The following SVEP1 variants were observed in gnomAD, a reference collection of about 807,000 sequenced individuals.
The protein encoded by SVEP1 is sushi, von Willebrand factor type A, EGF and pentraxin domain-containing protein 1.
SVEP1 carries 164 observed loss-of-function variants against 367.3 expected under a neutral mutation model. The observed-to-expected ratio is 0.45, with a 90% CI of 0.39 to 0.51. The LOEUF is 0.51. Ranked by LOEUF, SVEP1 falls within the 20% of genes least tolerant of loss-of-function variation. SVEP1 has a pLI of 0.00. For synonymous variants in SVEP1, 1,666 were observed against 1,611.6 expected (o/e 1.03, Z -0.81); for missense variants, 4,117 against 4,425.3 (o/e 0.93, Z 1.98).
intron 27 of SVEP1, chr9:110,442,952 C>A (rs1169022613): frequency 1.3e-5 from 2 of 151,926 alleles, no homozygotes; most frequent in African/African-American, 4.8e-5. Flanking sequence ...ATTTAATTTT[C>A]TTTTAGTATA....
At chr9:110,522,170 A>G (rs1194317067) in intron 3 of SVEP1, among the ~76,000 whole-genome samples, 1 of 152,148 alleles carries the variant, frequency 6.6e-6, no homozygotes, top group African/African-American at 2.4e-5. Flanking sequence ...AGGTCTGTGA[A>G]CTTCAGTTGC....
intron 13 of SVEP1, among the ~76,000 whole-genome samples, chr9:110,477,367 G>A: frequency 6.6e-6 from 1 of 152,086 alleles, no homozygotes; most frequent in East Asian, 1.9e-4. Context: ...TTGTTTGCCT[G>A]GACAACACTT....
intron 3 of SVEP1, among the ~76,000 whole-genome samples, chr9:110,522,563 C>T (rs1289527301): frequency 1.3e-5 from 2 of 152,150 alleles, no homozygotes; most frequent in Non-Finnish European, 2.9e-5. Context: ...GCTTTTACAA[C>T]TGTATTGTTG....
In SVEP1 at chr9:110,504,676, T is replaced by A. The variant is rs9785253; in HGVS notation, c.1304-1459A>T. Among the ~76,000 whole-genome samples, 736 of 151,928 alleles carry A rather than the reference T, an allele frequency of 4.8e-3. 4 individuals are homozygous for A. The highest frequency in any genetic ancestry group is 0.017 in the African/African-American group (707 of 41,206). On this transcript the variant is annotated intron_variant, in intron 5 of 47. Transcript: ENST00000374469. ...TTATTTGGGTCCCTGATACCAGCTA[T>A]ACACAATTTCTAATTCCTTCTGCCC...
chr9:110,499,365 T>C (rs872666), intron 6 of SVEP1, 127 bp from the exon 7 acceptor site: 341,359 of 772,126 alleles, frequency 0.44, 77,565 homozygotes, highest in East Asian at 0.61. Flanking sequence ...AAATGATAAC[T>C]ATATATGACA....
chr9:110,404,631 G>A (rs967734666), intron 38 of SVEP1, 79 bp from the exon 39 acceptor site: 8 of 1,298,374 alleles, frequency 6.2e-6, no homozygotes, highest in African/African-American at 1.5e-5. Flanking sequence ...TTAGGAAGCT[G>A]TTACAAGGCT....
At chr9:110,397,563 T>G (rs1827784255) in intron 40 of SVEP1, among the ~76,000 whole-genome samples, 1 of 152,206 alleles carries the variant, frequency 6.6e-6, no homozygotes, top group Non-Finnish European at 1.5e-5. Flanking sequence ...TGTCCCTGTT[T>G]GCAGATGACA....
chr9:110,508,292 A>G, intron 5 of SVEP1, among the ~76,000 whole-genome samples: 1 of 149,650 alleles, frequency 6.7e-6, no homozygotes, highest in East Asian at 2.0e-4. Flanking sequence ...GACTAATCAG[A>G]TTTTTTTTTT....
intron 18 of SVEP1, among the ~76,000 whole-genome samples, chr9:110,460,767 A>C (rs1001480257): frequency 6.6e-6 from 1 of 152,178 alleles, no homozygotes; most frequent in African/African-American, 2.4e-5. Flanking sequence ...GAAAAAAAAA[A>C]AAGAAAATTC....
rs74461760 is a variant in SVEP1 at position 110,540,410 on chromosome 9, G to T, written c.964+5705C>A. On this transcript the variant is annotated intron_variant, in intron 3 of 47. Coordinates refer to ENST00000374469, the MANE Select transcript of SVEP1 (RefSeq NM_153366.4). ...CATTCCTGAGTCATCCAAAATATTTGCAGTAAATGAAACAGAGTTATGTAG... is the reference window on the plus strand; with the variant it reads ...CATTCCTGAGTCATCCAAAATATTTTCAGTAAATGAAACAGAGTTATGTAG... Among the ~76,000 whole-genome samples, 704 of 152,064 alleles carry T rather than the reference G, an allele frequency of 4.6e-3. 4 individuals are homozygous for T. Among genetic ancestry groups the T allele is most frequent in the African/African-American group, 0.016 (656 of 41,494 alleles).
At chr9:110,462,485 G>A (rs985533953) in intron 18 of SVEP1, among the ~76,000 whole-genome samples, 8 of 149,558 alleles carry the variant, frequency 5.3e-5, no homozygotes, top group South Asian at 2.1e-4. Context: ...ACACACACAC[G>A]CATATATATG....
At chr9:110,495,403 G>C (rs1462645448) in intron 8 of SVEP1, among the ~76,000 whole-genome samples, 1 of 152,090 alleles carries the variant, frequency 6.6e-6, no homozygotes, top group Non-Finnish European at 1.5e-5. Flanking sequence ...TCCTTATAAG[G>C]GGAAGGCAGG....
rs759200461 is a variant in SVEP1, at chr9:110,479,760, G to A, written c.2366-4C>T. The A allele has an allele frequency of 2.3e-5, 37 of 1,598,644 alleles. No individual in the cohort carries two copies. The highest frequency in any genetic ancestry group is 2.9e-5 in the Non-Finnish European group (34 of 1,175,518). On this transcript the variant is annotated splice_region_variant and splice_polypyrimidine_tract_variant and intron_variant, in intron 12 of 47. Coordinates refer to ENST00000374469, the MANE Select transcript of SVEP1 (RefSeq NM_153366.4). The stretch of plus-strand genomic sequence containing the variant: ...CCGTGGTTTGCAAAACGTTTTTCTA[G>A]AAAATGTTGGACAAAACAGCTTCAG...
intron 1 of SVEP1, among the ~76,000 whole-genome samples, chr9:110,570,439 G>T (rs1289903327): frequency 1.3e-4 from 20 of 151,184 alleles, no homozygotes; most frequent in African/African-American, 4.9e-4. Flanking sequence ...TCTGACTTCT[G>T]GGAAACTAAG....
chr9:110,520,356 G>C (rs930733256), intron 3 of SVEP1, among the ~76,000 whole-genome samples: 3 of 152,134 alleles, frequency 2.0e-5, no homozygotes, highest in African/African-American at 7.2e-5. Flanking sequence ...ACAAGTCTCC[G>C]TAAAGGGCTA....
chr9:110,426,855 G>C (rs1261584307), intron 36 of SVEP1, among the ~76,000 whole-genome samples: 1 of 152,068 alleles, frequency 6.6e-6, no homozygotes, highest in Non-Finnish European at 1.5e-5. Context: ...GGTGATCTCT[G>C]AATTAAATAA....
At position 110,489,638 on chromosome 9, in the gene SVEP1, T is replaced by A. The variant is rs1588078056; in HGVS notation, c.1930+12A>T. ...CGTTTGGATGGGGAAACAACCAAAC[T>A]ATATCACTTACCAATAACCTTGATA... On this transcript the variant is annotated intron_variant, in intron 9 of 47. Transcript: ENST00000374469. 3.1e-6 allele frequency: 5 copies of A among 1,608,446 alleles called. No homozygotes were observed. The East Asian group carries it at 1.1e-4, about 36-fold the overall frequency.
intron 1 of SVEP1, among the ~76,000 whole-genome samples, chr9:110,551,943 T>G (rs1301187004): frequency 6.6e-6 from 1 of 151,458 alleles, no homozygotes; most frequent in East Asian, 1.9e-4. Flanking sequence ...TCTTTCCATC[T>G]GGATATCTGG....
intron 36 of SVEP1, among the ~76,000 whole-genome samples, chr9:110,416,352 A>G (rs1237269342): frequency 6.6e-6 from 1 of 152,016 alleles, no homozygotes; most frequent in African/African-American, 2.4e-5. Flanking sequence ...TTCTGGAAAT[A>G]AAAATGTGGA....
Sources: gnomAD v4.1 joint callset for allele counts (sites outside exome capture counted in the v4.1 genomes callset) on GRCh38, gnomAD v4.1.1 for gene constraint, MANE v1.5 for transcripts, NCBI Gene and HGNC (gene_info 2026-07-23, HGNC 2026-07-21) for gene names.